ARFGEF1: variants seen among roughly 807,000 people sequenced by gnomAD.
ARFGEF1 encodes brefeldin A-inhibited guanine nucleotide-exchange protein 1.
Under a neutral mutation model 231.0 loss-of-function variants are expected in ARFGEF1, and 42 were observed. The ratio of observed to expected loss-of-function variants is 0.18; its 90% CI spans 0.14 to 0.24. The LOEUF (loss-of-function observed/expected upper bound fraction) is 0.24, where lower values mean the gene tolerates loss of function less well. Among genes scored for constraint, ARFGEF1 ranks in the 10% least tolerant of loss-of-function variants. The pLI is 1.00. For synonymous variants in ARFGEF1, 710 were observed against 732.3 expected (o/e 0.97, Z 0.49); for missense variants, 1,345 against 2,192.0 (o/e 0.61, Z 7.72).
intron 17 of ARFGEF1, among the ~76,000 whole-genome samples, chr8:67,257,410 T>G (rs1013092955): frequency 3.3e-5 from 5 of 152,142 alleles, no homozygotes; most frequent in African/African-American, 1.2e-4. Context: ...GAAGGATGGT[T>G]TATACACAGC....
intron 33 of ARFGEF1, among the ~76,000 whole-genome samples, chr8:67,215,336 G>A (rs575534699): frequency 7.2e-5 from 11 of 152,212 alleles, no homozygotes; most frequent in South Asian, 4.1e-4. Context: ...ATCTTTTGCC[G>A]ATGGGATGGA....
At position 67,325,093 on chromosome 8, in the gene ARFGEF1, A is replaced by C. The variant is rs868256181; in HGVS notation, c.124+18071T>G. The stretch of plus-strand genomic sequence containing the variant: ...CATGCCCGGCTAATTTTGTATTTTT[A>C]GTAGATACGGGGTTTCTCCATGATG... On this transcript the variant is annotated intron_variant, in intron 1 of 38. Coordinates refer to ENST00000262215, the MANE Select transcript of ARFGEF1 (RefSeq NM_006421.5). 4.6e-5 allele frequency among the ~76,000 whole-genome samples: 7 copies of C among 152,230 alleles called. No homozygotes were observed. The South Asian group carries it at 1.0e-3, about 23-fold the overall frequency.
intron 1 of ARFGEF1, among the ~76,000 whole-genome samples, chr8:67,325,691 T>C (rs1487892652): frequency 1.3e-5 from 2 of 152,208 alleles, no homozygotes; most frequent in Non-Finnish European, 2.9e-5. Context: ...CCAAAGGTTA[T>C]CTGCAAATAA....
At chr8:67,287,255 A>G (rs1489121456) in intron 7 of ARFGEF1, among the ~76,000 whole-genome samples, 5 of 152,186 alleles carry the variant, frequency 3.3e-5, no homozygotes, top group Non-Finnish European at 1.5e-5. Flanking sequence ...ATTTTCGTAC[A>G]TGGTAGGTGC....
chr8:67,220,950 T>C (rs1839135542), intron 29 of ARFGEF1, among the ~76,000 whole-genome samples: 2 of 150,600 alleles, frequency 1.3e-5, no homozygotes, highest in Admixed American at 6.7e-5. Context: ...GGAAAAATAA[T>C]ACAGTCATGT....
At chr8:67,223,003 A>G (rs1839253034) in intron 29 of ARFGEF1, among the ~76,000 whole-genome samples, 1 of 152,252 alleles carries the variant, frequency 6.6e-6, no homozygotes, top group Non-Finnish European at 1.5e-5. Flanking sequence ...GATTTGTGTA[A>G]GTACATGCTA....
chr8:67,267,878 C>T (rs1011580184), intron 10 of ARFGEF1, among the ~76,000 whole-genome samples: 7 of 152,136 alleles, frequency 4.6e-5, no homozygotes, highest in African/African-American at 1.7e-4. Context: ...GTAACTGATA[C>T]TCTAATCAAC....
At chr8:67,218,199 A>ATATATATAT (rs1563843179) in intron 30 of ARFGEF1, 61 bp from the exon 31 acceptor site, 1 of 190,992 alleles carries the variant, frequency 5.2e-6, no homozygotes, top group African/African-American at 6.7e-5. Context: ...ATTAAAAAAA[A>ATATATATAT]AAAAAAAAAT....
chr8:67,267,403 A>G lies in ARFGEF1; in HGVS notation c.1612T>C (p.Ser538Pro). ...CATTTGTGATCAAATGAGCTGGTAG[A>G]AGTTTCCAAAATGTATAAGAAAATT... is the stretch of plus-strand genomic sequence containing the variant. ...KEIFLYILET[S>P]TSSFDHKWMV... The change falls in exon 11 of 39, where the codon TCT becomes CCT. Residue 538 changes from serine to proline, a missense_variant. Physicochemically the swap from Ser to Pro is moderately conservative, Grantham distance 74 (BLOSUM62 -1). Around this residue, in one of 14 missense-constraint regions of ARFGEF1, gnomAD observed 141 missense variants for 259.9 expected, o/e 0.54. Coordinates refer to ENST00000262215, the MANE Select transcript of ARFGEF1 (RefSeq NM_006421.5). 3.7e-6 allele frequency: 6 copies of G among 1,611,772 alleles called. No individual in the cohort carries two copies. In the South Asian group the frequency reaches 6.6e-5, roughly 18 times the overall value.
chr8:67,193,343 C>T (rs1235800086), downstream of ARFGEF1: 2 of 728,344 alleles, frequency 2.7e-6, no homozygotes, highest in African/African-American at 1.8e-5. Flanking sequence ...GTGATCTGCC[C>T]ACCTCGGCTT....
chr8:67,259,004 ATTAC>A (rs1267547444), intron 15 of ARFGEF1, among the ~76,000 whole-genome samples: 1 of 152,120 alleles, frequency 6.6e-6, no homozygotes, highest in Non-Finnish European at 1.5e-5. Flanking sequence ...CCATATCTAG[ATTAC>A]TTATAATAGG....
At chr8:67,220,398 C>G (rs994118848) in intron 29 of ARFGEF1, among the ~76,000 whole-genome samples, 1 of 152,158 alleles carries the variant, frequency 6.6e-6, no homozygotes, top group African/African-American at 2.4e-5. Context: ...TTGAAAGGCT[C>G]TCATAAGGAC....
At chr8:67,281,674 T>G (rs1805542420) in intron 7 of ARFGEF1, among the ~76,000 whole-genome samples, 1 of 152,082 alleles carries the variant, frequency 6.6e-6, no homozygotes, top group Non-Finnish European at 1.5e-5. Flanking sequence ...AATATCATTA[T>G]TCACTTAGAA....
Position 67,198,326 on chromosome 8 carries a change from A to G in ARFGEF1, c.*608T>C, listed in dbSNP as rs983127246. 2.0e-6 allele frequency: 2 copies of G among 984,160 alleles called. No homozygotes were observed. The highest frequency in any genetic ancestry group is 2.4e-6 in the Non-Finnish European group (2 of 828,360). The allele number at this position is 984,160 out of a possible 1,614,324, so 61.0% of individuals were successfully genotyped here. A position where few individuals can be genotyped will look rare whatever the true frequency, so the allele number is the denominator to read the frequency against. ...AATATTATGGGTATTTAGCAAATGAATAAGAAAATAAAGAAAACAGTGCAG... is the reference window on the plus strand; with the variant it reads ...AATATTATGGGTATTTAGCAAATGAGTAAGAAAATAAAGAAAACAGTGCAG... On this transcript the variant is annotated 3_prime_UTR_variant, in exon 39 of 39. Transcript: ENST00000262215.
chr8:67,297,118 G>A (rs981041642), intron 4 of ARFGEF1, among the ~76,000 whole-genome samples: 4 of 152,056 alleles, frequency 2.6e-5, no homozygotes, highest in Admixed American at 6.5e-5. Flanking sequence ...TCCTCACTGC[G>A]GCAGTAATTT....
At chr8:67,187,687 A>G (rs1348030409) in intron 5 of ARFGEF1, among the ~76,000 whole-genome samples, 3 of 152,154 alleles carry the variant, frequency 2.0e-5, no homozygotes, top group African/African-American at 7.2e-5. Flanking sequence ...TTGTCTCAAA[A>G]AAAGAAAGAA....
chr8:67,201,404 C>T, intron 37 of ARFGEF1, 63 bp downstream of exon 37: 1 of 1,549,672 alleles, frequency 6.5e-7, no homozygotes, highest in Non-Finnish European at 8.7e-7. Context: ...CCGCCGGTGC[C>T]TCTTTCCTGC....
At chr8:67,213,973 G>A (rs957183245) in intron 33 of ARFGEF1, among the ~76,000 whole-genome samples, 2 of 152,214 alleles carry the variant, frequency 1.3e-5, no homozygotes, top group East Asian at 1.9e-4. Flanking sequence ...GAATGTGGCT[G>A]TAACAAACAC....
intron 1 of ARFGEF1, among the ~76,000 whole-genome samples, chr8:67,308,655 T>C (rs989085626): frequency 6.6e-5 from 10 of 152,200 alleles, no homozygotes; most frequent in Non-Finnish European, 1.2e-4. Context: ...GCTTATGTGC[T>C]CCCATAGAAA....
Sources: allele counts gnomAD v4.1 joint callset (sites outside exome capture counted in the v4.1 genomes callset), GRCh38; gene constraint gnomAD v4.1.1; regional missense constraint gnomAD v4.1.1; transcripts MANE v1.5; gene names NCBI Gene and HGNC (gene_info 2026-07-23, HGNC 2026-07-21).